PSG4: variants seen among roughly 807,000 people sequenced by gnomAD.
PSG4 encodes the protein pregnancy specific beta-1-glycoprotein 4.
Under a neutral mutation model 44.3 loss-of-function variants are expected in PSG4, and 61 were observed. The ratio of observed to expected loss-of-function variants is 1.38; its 90% CI spans 1.12 to 1.70. PSG4 has a LOEUF of 1.70. PSG4 is among the 40% of genes most tolerant of loss of function. PSG4 has a pLI of 0.00. For synonymous variants in PSG4, 248 were observed against 191.3 expected (o/e 1.30, Z -2.45); for missense variants, 677 against 511.7 (o/e 1.32, Z -3.12).
At position 43,199,139 on chromosome 19, in the gene PSG4, C is replaced by T. The variant is rs369251470; in HGVS notation, c.431-864G>A. Among the ~76,000 whole-genome samples, 91 of 146,112 alleles carry T rather than the reference C, an allele frequency of 6.2e-4. 14 individuals carry two copies. In the East Asian group the frequency reaches 0.015, roughly 23 times the overall value. ...ACATGAACAGATGATGGAAGTCTGGCCCTCATGGACCATATGCGTTTGGTG... is the reference window on the plus strand; with the variant it reads ...ACATGAACAGATGATGGAAGTCTGGTCCTCATGGACCATATGCGTTTGGTG... On this transcript the variant is annotated intron_variant, in intron 2 of 5. Coordinates refer to ENST00000405312, the MANE Select transcript of PSG4 (RefSeq NM_002780.5).
At position 43,203,786 on chromosome 19, in the gene PSG4, G is replaced by C. The variant is rs1967625776; in HGVS notation, c.430+100C>G. The C allele has an allele frequency of 1.8e-5, 27 of 1,525,716 alleles. 2 individuals are homozygous for C. The highest frequency in any genetic ancestry group is 2.1e-5 in the Non-Finnish European group (24 of 1,132,986). 94.5% of individuals were successfully genotyped at this position (1,525,716 alleles called of 1,614,324 possible). A position where few individuals can be genotyped will look rare whatever the true frequency, so the allele number is the denominator to read the frequency against. Reference sequence around the variant, plus strand: ...AAACCCCAGCATGGGACTTAATGCAGAGAGGGACACAGGCAGAGTCCAGGC... The same window carrying C: ...AAACCCCAGCATGGGACTTAATGCACAGAGGGACACAGGCAGAGTCCAGGC... On this transcript the variant is annotated intron_variant, in intron 2 of 5. Transcript: ENST00000405312.
At chr19:43,202,968 G>A (rs537826580) in intron 2 of PSG4, 1 of 146,646 alleles carries the variant, frequency 6.8e-6, no homozygotes, top group African/African-American at 2.6e-5. Flanking sequence ...CTCTGGTTCA[G>A]TGACTGTGCC....
At chr19:43,194,146 T>C in intron 5 of PSG4, 194 bp downstream of exon 5, 1 of 1,468,200 alleles carries the variant, frequency 6.8e-7, no homozygotes, top group Non-Finnish European at 9.1e-7. Flanking sequence ...CTGGGAATTT[T>C]AAGAAGATAT....
rs901257974 is a variant in PSG4 at position 43,201,272 on chromosome 19, A to G, written c.430+2614T>C. Reference sequence around the variant, plus strand: ...ATGATAATAGTTCCTCCATAAAACTAACACCCTTACTTTGCCCAGGGACGG... The same window carrying G: ...ATGATAATAGTTCCTCCATAAAACTGACACCCTTACTTTGCCCAGGGACGG... On this transcript the variant is annotated intron_variant, in intron 2 of 5. Transcript: ENST00000405312. 4.8e-5 allele frequency among the ~76,000 whole-genome samples: 7 copies of G among 145,704 alleles called. 1 individual carries two copies. Among genetic ancestry groups the G allele is most frequent in the Admixed American group, 4.1e-4 (6 of 14,656 alleles).
At chr19:43,196,914 C>G (rs1388375213) in intron 3 of PSG4, 1 of 144,124 alleles carries the variant, frequency 6.9e-6, no homozygotes, top group African/African-American at 2.7e-5. Flanking sequence ...GAATCTGCAA[C>G]TAACTTTGGG....
At chr19:43,196,281 G>A (rs1213362232) in intron 3 of PSG4, among the ~76,000 whole-genome samples, 1 of 151,594 alleles carries the variant, frequency 6.6e-6, no homozygotes, top group Non-Finnish European at 1.5e-5. Flanking sequence ...GGATTCCAGA[G>A]TGAATATGAG....
chr19:43,200,501 C>T lies in PSG4; in HGVS notation c.431-2226G>A, dbSNP rs755855056. ...TCAGTTTTGGAAGTTTCTATTGACA[C>T]ATCCTCAAGCTGGGGGTTCCTTCCT... On this transcript the variant is annotated intron_variant, in intron 2 of 5. Transcript: ENST00000405312. Among the ~76,000 whole-genome samples the T allele has an allele frequency of 4.8e-5, 7 of 145,348 alleles. 1 individual carries two copies. The highest frequency in any genetic ancestry group is 7.4e-5 in the Non-Finnish European group (5 of 67,144).
chr19:43,202,268 G>A (rs565793562), intron 2 of PSG4, among the ~76,000 whole-genome samples: 1 of 144,556 alleles, frequency 6.9e-6, no homozygotes, highest in South Asian at 2.2e-4. Context: ...GGGTTACACT[G>A]ACTTCAGAGA....
chr19:43,202,886 T>G (rs1262630247), intron 2 of PSG4, among the ~76,000 whole-genome samples: 1 of 144,626 alleles, frequency 6.9e-6, no homozygotes, highest in Non-Finnish European at 1.5e-5. Context: ...TCACTTCTGG[T>G]GGAGGAGAGG....
chr19:43,198,188 G>T lies in PSG4; in HGVS notation c.518C>A (p.Thr173Asn). ...EAVILTCDPA[T>N]PAASYQWWMN... ...CCACCACTGGTAGCTTGCGGCTGGA[G>T]TCGCAGGATCACAGGTTAAGATCAC... The change falls in exon 3 of 6, where the codon ACT becomes AAT. Residue 173 changes from threonine to asparagine, a missense_variant. Thr to Asn is a moderately conservative substitution (Grantham distance 65). Transcript: ENST00000405312. 1.3e-6 allele frequency: 2 copies of T among 1,587,852 alleles called. No individual in the cohort carries two copies. The highest frequency in any genetic ancestry group is 1.7e-6 in the Non-Finnish European group (2 of 1,171,888).
chr19:43,201,022 C>T (rs1267292757), intron 2 of PSG4, among the ~76,000 whole-genome samples: 1 of 145,678 alleles, frequency 6.9e-6, no homozygotes, highest in South Asian at 2.2e-4. Context: ...GGATGGAGTC[C>T]CAAGTGATAC....
At chr19:43,201,819 T>TTGTGTGTGTGTGTGTGTG (rs57230870) in intron 2 of PSG4, among the ~76,000 whole-genome samples, 1 of 139,336 alleles carries the variant, frequency 7.2e-6, no homozygotes, top group Non-Finnish European at 1.5e-5. Flanking sequence ...TTCAATAATT[T>TTGTGTGTGTGTGTGTGTG]TGTGTGTGTG....
rs753863970 is a variant in PSG4 at position 43,194,611 on chromosome 19, A to G, written c.989-17T>C. On this transcript the variant is annotated splice_polypyrimidine_tract_variant and intron_variant, in intron 4 of 5. Coordinates refer to ENST00000405312, the MANE Select transcript of PSG4 (RefSeq NM_002780.5). ...CTGGACCATCTGGCGCAAAGAGAAT[A>G]AAGCCATAGGTGATGTCATCCGAGG... 9.4e-6 allele frequency: 15 copies of G among 1,603,124 alleles called. No homozygotes were observed. The highest frequency in any genetic ancestry group is 3.3e-5 in the South Asian group (3 of 89,754).
rs539387118 is a variant in PSG4, at chr19:43,194,861, G to A, written c.988+134C>T. Reference sequence around the variant, plus strand: ...GCCTACCTAGGTTTTCCCAGGGCAGGGAGTCATGGCCACCTCGGATGTCCA... The same window carrying A: ...GCCTACCTAGGTTTTCCCAGGGCAGAGAGTCATGGCCACCTCGGATGTCCA... On this transcript the variant is annotated intron_variant, in intron 4 of 5. Coordinates refer to ENST00000405312, the MANE Select transcript of PSG4 (RefSeq NM_002780.5). 1,588 of 1,519,958 alleles carry A rather than the reference G, an allele frequency of 1.0e-3. 34 individuals carry two copies. The highest frequency in any genetic ancestry group is 1.2e-3 in the Non-Finnish European group (1,321 of 1,135,572). The allele number at this position is 1,519,958 out of a possible 1,614,324, so 94.2% of individuals were successfully genotyped here.
intron 3 of PSG4, among the ~76,000 whole-genome samples, chr19:43,197,208 T>G (rs1457260443): frequency 6.9e-6 from 1 of 144,952 alleles, no homozygotes; most frequent in Non-Finnish European, 1.5e-5. Context: ...CTGGTGGTTT[T>G]GGAGCAGAAA....
chr19:43,194,978 G>C lies in PSG4; in HGVS notation c.988+17C>G. ...TAAGCTGGTGTCCTGGCCCACAGAG[G>C]AACAAAAGATACTCACAGAGGACAT... is the stretch of plus-strand genomic sequence containing the variant. On this transcript the variant is annotated intron_variant, in intron 4 of 5. Transcript: ENST00000405312. 1 of 1,608,852 alleles carries C rather than the reference G, an allele frequency of 6.2e-7. No homozygotes were observed. The highest frequency in any genetic ancestry group is 8.5e-7 in the Non-Finnish European group (1 of 1,177,008).
At chr19:43,193,494 C>G (rs1967096925) in intron 5 of PSG4, 106 bp from the exon 6 acceptor site, 1 of 739,170 alleles carries the variant, frequency 1.4e-6, no homozygotes, top group South Asian at 1.4e-5. Context: ...CTATGGGCAT[C>G]TCTAGTTTTA....
intron 1 of PSG4, among the ~76,000 whole-genome samples, chr19:43,205,102 TC>T (rs1362900450): frequency 5.5e-5 from 4 of 72,996 alleles, no homozygotes; most frequent in South Asian, 5.3e-4. Flanking sequence ...TTTCTTTTTT[TC>T]CTTTTTTCTT....
rs758294492 is a variant in PSG4, at chr19:43,195,131, G to C, written c.852C>G (p.Pro284=). 8.1e-6 allele frequency: 13 copies of C among 1,610,402 alleles called. 1 individual carries two copies. Among genetic ancestry groups the C allele is most frequent in the Admixed American group, 1.7e-5 (1 of 59,840 alleles). ...TGTTTTCAATGGGTCGCTTTACCCT[G>C]GGACTGACAGGGAGGCTCTGACCAT... ...WLNGQSLPVS[P]RVKRPIENRI... The change falls in exon 4 of 6, where the codon CCC becomes CCG. Residue 284 remains proline, a synonymous_variant. Transcript: ENST00000405312.
Sources: allele counts gnomAD v4.1 joint callset (sites outside exome capture counted in the v4.1 genomes callset), GRCh38; gene constraint gnomAD v4.1.1; transcripts MANE v1.5; gene names NCBI Gene and HGNC (gene_info 2026-07-23, HGNC 2026-07-21).